OR2A14: variants seen among roughly 807,000 people sequenced by gnomAD.
The protein encoded by OR2A14 is olfactory receptor 2A14.
OR2A14 carries 2 observed loss-of-function variants against 2.4 expected under a neutral mutation model. That is an observed-to-expected ratio of 0.85 (90% CI 0.35 to 2.67). OR2A14 has a LOEUF of 2.67. Ranked by LOEUF, OR2A14 falls within the 30% of genes most tolerant of loss-of-function variation. The probability of loss-of-function intolerance (pLI) is 0.10; values close to 1 mark genes in which losing one functional copy is unlikely to be tolerated. For synonymous variants in OR2A14, 160 were observed against 156.3 expected, an observed-to-expected ratio of 1.02 and a Z score of -0.18; for missense variants, 390 against 379.4, an observed-to-expected ratio of 1.03 and a Z score of -0.23.
chr7:144,130,959 A>G lies in OR2A14; in HGVS notation c.*914A>G, dbSNP rs1214840295. On this transcript the variant is annotated 3_prime_UTR_variant, in exon 2 of 2. Transcript: ENST00000641068. ...TGCTGGAATGGTGCCCAGGGACAGTAGTTTGTGAACCCTTGTTCTAGATCT... is the reference window on the plus strand; with the variant it reads ...TGCTGGAATGGTGCCCAGGGACAGTGGTTTGTGAACCCTTGTTCTAGATCT... 1 of 152,232 alleles carries G rather than the reference A, an allele frequency of 6.6e-6. No homozygotes were observed. Among genetic ancestry groups the G allele is most frequent in the Non-Finnish European group, 1.5e-5 (1 of 68,044 alleles). 9.4% of individuals were successfully genotyped at this position (152,232 alleles called of 1,614,324 possible).
At chr7:144,126,934 G>A (rs2051486275) in intron 1 of OR2A14, among the ~76,000 whole-genome samples, 1 of 151,974 alleles carries the variant, frequency 6.6e-6, no homozygotes, top group South Asian at 2.1e-4. Context: ...ATGCATGCAG[G>A]TGAAACAGAG....
At chr7:144,128,226 G>T (rs975499786) in intron 1 of OR2A14, among the ~76,000 whole-genome samples, 1 of 152,130 alleles carries the variant, frequency 6.6e-6, no homozygotes, top group Non-Finnish European at 1.5e-5. Context: ...ACGATACAGC[G>T]ATCATCTTTA....
chr7:144,125,512 A>T (rs193085805), intron 1 of OR2A14, among the ~76,000 whole-genome samples: 1 of 152,228 alleles, frequency 6.6e-6, no homozygotes, highest in African/African-American at 2.4e-5. Context: ...AAGGAAAAAA[A>T]CTATTTTCCT....
chr7:144,130,148 T>A lies in OR2A14; in HGVS notation c.*103T>A. 2 of 867,278 alleles carry A rather than the reference T, an allele frequency of 2.3e-6. No homozygotes were observed. The highest frequency in any genetic ancestry group is 1.8e-6 in the Non-Finnish European group (1 of 553,894). The allele number at this position is 867,278 out of a possible 1,614,324, so 53.7% of individuals were successfully genotyped here. A position where few individuals can be genotyped will look rare whatever the true frequency, so the allele number is the denominator to read the frequency against. On this transcript the variant is annotated 3_prime_UTR_variant, in exon 2 of 2. Transcript: ENST00000641068. Reference sequence around the variant, plus strand: ...TGCTAGAATAAATGCTACCTTAAACTGGAATACTATAGACCTATACATATA... The same window carrying A: ...TGCTAGAATAAATGCTACCTTAAACAGGAATACTATAGACCTATACATATA...
chr7:144,124,972 A>G (rs1209066389), intron 1 of OR2A14, among the ~76,000 whole-genome samples: 1 of 152,228 alleles, frequency 6.6e-6, no homozygotes, highest in Non-Finnish European at 1.5e-5. Context: ...TGATGATTGC[A>G]CTGGATTTCC....
rs2051522582 is a variant in OR2A14, at chr7:144,130,290, A to T, written c.*245A>T. 1 of 347,984 alleles carries T rather than the reference A, an allele frequency of 2.9e-6. No individual in the cohort carries two copies. The highest frequency in any genetic ancestry group is 2.1e-5 in the African/African-American group (1 of 48,202). 21.6% of individuals were successfully genotyped at this position (347,984 alleles called of 1,614,324 possible). A position where few individuals can be genotyped will look rare whatever the true frequency, so the allele number is the denominator to read the frequency against. On this transcript the variant is annotated 3_prime_UTR_variant, in exon 2 of 2. Transcript: ENST00000641068. The stretch of plus-strand genomic sequence containing the variant: ...AGATATAAAATTTTTAAGTTCGATA[A>T]ATATAGGACCTCTTCACATTAATCA...
chr7:144,124,375 T>C (rs758240138), intron 1 of OR2A14, among the ~76,000 whole-genome samples: 2 of 150,552 alleles, frequency 1.3e-5, no homozygotes, highest in African/African-American at 2.5e-5. Context: ...GGCAGGAGAA[T>C]TGCTTGAACC....
intron 1 of OR2A14, 64 bp from the exon 2 acceptor site, chr7:144,129,015 A>T: frequency 1.0e-6 from 1 of 1,000,696 alleles, no homozygotes; most frequent in Non-Finnish European, 1.5e-6. Context: ...AATAAATTCT[A>T]GAAAATTCAT....
At position 144,129,713 on chromosome 7, in the gene OR2A14, G is replaced by C; in HGVS notation, c.601G>C (p.Ala201Pro). 1.2e-6 allele frequency: 2 copies of C among 1,614,116 alleles called. No homozygotes were observed. The highest frequency in any genetic ancestry group is 8.5e-7 in the Non-Finnish European group (1 of 1,180,026). Residue 201 changes from alanine to proline, a missense_variant, in exon 2 of 2, where the codon GCC (alanine) becomes CCC (proline). Coordinates refer to ENST00000641068, the MANE Select transcript of OR2A14 (RefSeq NM_001001659.3). ...GCTCAACCAGGTGGTCATCTTTGCA[G>C]CCTGCGTGTTCATCCTGGTGGGGCC... ...TWLNQVVIFA[A>P]CVFILVGPLC...
chr7:144,128,739 G>T (rs78644875), intron 1 of OR2A14, among the ~76,000 whole-genome samples: 1 of 152,008 alleles, frequency 6.6e-6, no homozygotes, highest in Non-Finnish European at 1.5e-5. Flanking sequence ...CTCAAACTAC[G>T]TAAAAATCAA....
In OR2A14 at chr7:144,129,064, TTGAC is replaced by T. The variant is rs1314185222; in HGVS notation, c.-34-12_-34-9del. The T allele has an allele frequency of 6.2e-6, 9 of 1,449,932 alleles. No homozygotes were observed. The highest frequency in any genetic ancestry group is 1.4e-5 in the African/African-American group (1 of 71,068). 89.8% of individuals were successfully genotyped at this position (1,449,932 alleles called of 1,614,324 possible). On this transcript the variant is annotated splice_polypyrimidine_tract_variant and intron_variant, in intron 1 of 1. Transcript: ENST00000641068. The stretch of plus-strand genomic sequence containing the variant: ...TTCTAAGTGCTCCCTCTGTGCATCT[TTGAC>T]TGGCCCACAGCTCTGACCTTCCTGT...
chr7:144,125,122 A>G (rs997276763), intron 1 of OR2A14, among the ~76,000 whole-genome samples: 1 of 152,236 alleles, frequency 6.6e-6, no homozygotes, highest in Admixed American at 6.5e-5. Flanking sequence ...ATCTGTGGTC[A>G]ACATTTTACA....
At chr7:144,125,723 GTTTC>G (rs1364146458) in intron 1 of OR2A14, among the ~76,000 whole-genome samples, 1 of 152,094 alleles carries the variant, frequency 6.6e-6, no homozygotes. Flanking sequence ...AATTCTATTT[GTTTC>G]TTTCTTTATT....
Position 144,129,605 on chromosome 7 carries a change from C to T in OR2A14, c.493C>T (p.Leu165=), listed in dbSNP as rs895824157. ...GGTCCCTTTAGTTCTCATCCTGAGC[C>T]TGCCCTTCTGCGGGCCTCATGAAAT... is the stretch of plus-strand genomic sequence containing the variant. ...ALVPLVLILS[L]PFCGPHEINH... Residue 165 remains leucine (L), a synonymous_variant, in exon 2 of 2, where the codon CTG becomes TTG. Coordinates refer to ENST00000641068, the MANE Select transcript of OR2A14 (RefSeq NM_001001659.3). 2 of 1,609,406 alleles carry T rather than the reference C, an allele frequency of 1.2e-6. No homozygotes were observed. The highest frequency in any genetic ancestry group is 2.7e-5 in the African/African-American group (2 of 73,554).
At chr7:144,127,222 T>C (rs1335415849) in intron 1 of OR2A14, among the ~76,000 whole-genome samples, 1 of 152,214 alleles carries the variant, frequency 6.6e-6, no homozygotes, top group Non-Finnish European at 1.5e-5. Context: ...GGATCATTCG[T>C]TAAGGGATAT....
chr7:144,128,303 C>T (rs1034463008), intron 1 of OR2A14, among the ~76,000 whole-genome samples: 4 of 152,152 alleles, frequency 2.6e-5, no homozygotes, highest in Non-Finnish European at 5.9e-5. Context: ...TCAGAAATGT[C>T]ACCATGCTTA....
At chr7:144,123,716 C>T (rs927683378) in intron 1 of OR2A14, among the ~76,000 whole-genome samples, 1 of 152,182 alleles carries the variant, frequency 6.6e-6, no homozygotes, top group Non-Finnish European at 1.5e-5. Flanking sequence ...ATCCTCCTTG[C>T]CCCTCTGCTA....
rs148420009 is a variant in OR2A14 at position 144,129,736 on chromosome 7, G to A, written c.624G>A (p.Gly208=). ...IFAACVFILV[G]PLCLVLVSYL... ...CAGCCTGCGTGTTCATCCTGGTGGG[G>A]CCACTCTGCCTGGTGCTGGTCTCCT... The change falls in exon 2 of 2, where the codon GGG becomes GGA. Residue 208 remains glycine, a synonymous_variant. Transcript: ENST00000641068. 405 of 1,613,992 alleles carry A rather than the reference G, an allele frequency of 2.5e-4. No homozygotes were observed. In the African/African-American group the frequency reaches 4.9e-3, roughly 19 times the overall value.
Position 144,129,477 on chromosome 7 carries a change from A to T in OR2A14, c.365A>T (p.Tyr122Phe). Residue 122 changes from tyrosine (Y) to phenylalanine (F), a missense_variant, in exon 2 of 2, where the codon TAT becomes TTT. Coordinates refer to ENST00000641068, the MANE Select transcript of OR2A14 (RefSeq NM_001001659.3). Reference protein sequence around the residue: ...LILVVMSYDRYADICHPLRYN... With the variant: ...LILVVMSYDRFADICHPLRYN... ...TTGGTGGTGATGTCCTATGATCGCTATGCGGACATCTGCCACCCCTTACGT... is the reference window on the plus strand; with the variant it reads ...TTGGTGGTGATGTCCTATGATCGCTTTGCGGACATCTGCCACCCCTTACGT... 1 of 1,614,004 alleles carries T rather than the reference A, an allele frequency of 6.2e-7. No homozygotes were observed. Among genetic ancestry groups the T allele is most frequent in the Non-Finnish European group, 8.5e-7 (1 of 1,179,880 alleles).
Sources: allele counts gnomAD v4.1 joint callset (sites outside exome capture counted in the v4.1 genomes callset), GRCh38; gene constraint gnomAD v4.1.1; transcripts MANE v1.5; gene names NCBI Gene and HGNC (gene_info 2026-07-23, HGNC 2026-07-21).